Variants in MACROD2 observed in about 807,000 individuals in gnomAD.
MACROD2 encodes ADP-ribose glycohydrolase MACROD2.
A neutral mutation model predicts 70.4 loss-of-function variants in MACROD2; 36 were observed. That is an observed-to-expected ratio of 0.51 (90% CI 0.39 to 0.68). The LOEUF (loss-of-function observed/expected upper bound fraction) is 0.68, where lower values mean the gene tolerates loss of function less well. MACROD2 is among the 30% of genes least tolerant of loss of function. The probability of loss-of-function intolerance (pLI) is 0.00; values close to 1 mark genes in which losing one functional copy is unlikely to be tolerated. For synonymous variants in MACROD2, 172 were observed against 178.8 expected (o/e 0.96, Z 0.30); for missense variants, 496 against 538.4 (o/e 0.92, Z 0.78).
At chr20:14,562,121 A>G (rs938463569) in intron 4 of MACROD2, among the ~76,000 whole-genome samples, 3 of 151,910 alleles carry the variant, frequency 2.0e-5, no homozygotes, top group Non-Finnish European at 4.4e-5. Context: ...ATGATTGGAT[A>G]GACGTTTTGG....
intron 2 of MACROD2, among the ~76,000 whole-genome samples, chr20:14,027,284 C>T (rs190131644): frequency 1.3e-3 from 204 of 152,150 alleles, no homozygotes; most frequent in African/African-American, 4.7e-3. Flanking sequence ...TCACGAAGTT[C>T]TCGTGCTGTG....
At chr20:15,288,029 T>G (rs1656060294) in intron 6 of MACROD2, among the ~76,000 whole-genome samples, 2 of 152,240 alleles carry the variant, frequency 1.3e-5, no homozygotes, top group Non-Finnish European at 2.9e-5. Flanking sequence ...GAAAGGACAC[T>G]TCTTATAGAG....
chr20:14,394,675 T>G (rs2122814457), intron 3 of MACROD2, among the ~76,000 whole-genome samples: 1 of 152,340 alleles, frequency 6.6e-6, no homozygotes, highest in African/African-American at 2.4e-5. Flanking sequence ...GTTCCTAATC[T>G]CAGGGGTAAA....
intron 5 of MACROD2, among the ~76,000 whole-genome samples, chr20:14,959,692 C>T (rs184695744): frequency 3.2e-4 from 48 of 152,242 alleles, no homozygotes; most frequent in African/African-American, 1.2e-3. Context: ...CAACGTGGGG[C>T]CTTGTTGAGC....
At chr20:15,297,721 G>A (rs2077604265) in intron 6 of MACROD2, among the ~76,000 whole-genome samples, 2 of 152,134 alleles carry the variant, frequency 1.3e-5, no homozygotes, top group Admixed American at 1.3e-4. Flanking sequence ...GAACAATTGT[G>A]TGCATTGTTA....
intron 3 of MACROD2, among the ~76,000 whole-genome samples, chr20:14,472,718 T>C (rs2084544197): frequency 6.6e-6 from 1 of 152,182 alleles, no homozygotes; most frequent in Non-Finnish European, 1.5e-5. Flanking sequence ...GGAATGACAT[T>C]TGAGGTGAGT....
intron 8 of MACROD2, among the ~76,000 whole-genome samples, chr20:15,637,975 G>A (rs1027072177): frequency 1.2e-4 from 18 of 152,162 alleles, no homozygotes; most frequent in Admixed American, 1.2e-3. Flanking sequence ...TTAATTAAAG[G>A]CCATGCTGTC....
chr20:15,538,662 T>C (rs1047183091), intron 8 of MACROD2, among the ~76,000 whole-genome samples: 5 of 152,210 alleles, frequency 3.3e-5, no homozygotes, highest in Non-Finnish European at 7.3e-5. Context: ...TTTAAAAATA[T>C]AAAAGTTTAG....
At chr20:14,457,931 C>T (rs2084322463) in intron 3 of MACROD2, among the ~76,000 whole-genome samples, 1 of 151,996 alleles carries the variant, frequency 6.6e-6, no homozygotes, top group Non-Finnish European at 1.5e-5. Flanking sequence ...GAAACCTCAT[C>T]TCTACTAAAA....
At chr20:15,054,510 A>G (rs2075467415) in intron 5 of MACROD2, among the ~76,000 whole-genome samples, 1 of 152,192 alleles carries the variant, frequency 6.6e-6, no homozygotes, top group African/African-American at 2.4e-5. Flanking sequence ...TTTTTAAATT[A>G]AGGTAGGTAC....
chr20:14,651,072 A>C (rs180695829), intron 4 of MACROD2, among the ~76,000 whole-genome samples: 1 of 152,330 alleles, frequency 6.6e-6, no homozygotes, highest in Admixed American at 6.5e-5. Flanking sequence ...GTTATGTCCA[A>C]AACAGGGTTC....
At chr20:14,088,649 G>A (rs1365271126) in intron 3 of MACROD2, among the ~76,000 whole-genome samples, 2 of 152,058 alleles carry the variant, frequency 1.3e-5, no homozygotes, top group Admixed American at 1.3e-4. Flanking sequence ...AATTTGCCAC[G>A]TTAGCACACA....
At chr20:15,601,316 C>T (rs372261740) in intron 8 of MACROD2, among the ~76,000 whole-genome samples, 8 of 152,258 alleles carry the variant, frequency 5.3e-5, no homozygotes, top group African/African-American at 1.9e-4. Flanking sequence ...GCATTTCTTT[C>T]TTTCCTTCTG....
At chr20:15,750,627 G>A (rs1252169443) in intron 8 of MACROD2, among the ~76,000 whole-genome samples, 1 of 151,688 alleles carries the variant, frequency 6.6e-6, no homozygotes, top group Non-Finnish European at 1.5e-5. Flanking sequence ...TATATTCAAA[G>A]GAAATGAAAT....
chr20:15,541,152 G>T (rs1399102607), intron 8 of MACROD2, among the ~76,000 whole-genome samples: 1 of 152,124 alleles, frequency 6.6e-6, no homozygotes, highest in Non-Finnish European at 1.5e-5. Flanking sequence ...TGCATCATTG[G>T]TTATGCTGAG....
chr20:15,381,507 A>AT (rs2045643991), intron 6 of MACROD2, among the ~76,000 whole-genome samples: 1 of 151,764 alleles, frequency 6.6e-6, no homozygotes, highest in Admixed American at 6.6e-5. Flanking sequence ...TACAAAAAAA[A>AT]ATACAAAAAT....
intron 5 of MACROD2, among the ~76,000 whole-genome samples, chr20:15,218,429 G>T (rs1441922612): frequency 2.0e-5 from 3 of 152,042 alleles, no homozygotes; most frequent in African/African-American, 7.2e-5. Context: ...CCCTTTTGTA[G>T]CCTCCAATTC....
chr20:15,480,502 A>G (rs564830817), intron 7 of MACROD2, among the ~76,000 whole-genome samples: 1 of 152,262 alleles, frequency 6.6e-6, no homozygotes, highest in South Asian at 2.1e-4. Flanking sequence ...GTTTTATAAT[A>G]GCACAATTCC....
chr20:15,180,141 C>T (rs1252875951), intron 5 of MACROD2, among the ~76,000 whole-genome samples: 1 of 152,108 alleles, frequency 6.6e-6, no homozygotes, highest in Non-Finnish European at 1.5e-5. Flanking sequence ...TTAACTTAAC[C>T]CCCTCTTTGA....
Sources: allele counts gnomAD v4.1 joint callset (sites outside exome capture counted in the v4.1 genomes callset), GRCh38; gene constraint gnomAD v4.1.1; transcripts MANE v1.5; gene names NCBI Gene and HGNC (gene_info 2026-07-23, HGNC 2026-07-21).